The following SORCS1 variants were observed in gnomAD, a reference collection of about 807,000 sequenced individuals.
SORCS1 encodes sortilin related VPS10 domain containing receptor 1.
SORCS1 carries 60 observed loss-of-function variants against 146.1 expected under a neutral mutation model. The observed-to-expected ratio is 0.41, with a 90% CI of 0.33 to 0.51. The LOEUF is 0.51. Ranked by LOEUF, SORCS1 falls within the 20% of genes least tolerant of loss-of-function variation. The pLI, the probability that SORCS1 is intolerant of heterozygous loss-of-function variation, is 0.21. For synonymous variants in SORCS1, 637 were observed against 584.0 expected (o/e 1.09, Z -1.31); for missense variants, 1,352 against 1,487.6 (o/e 0.91, Z 1.50).
rs1236409104 is a variant in SORCS1 at position 106,576,150 on chromosome 10, C to T, written c.*1270G>A. On this transcript the variant is annotated 3_prime_UTR_variant, in exon 26 of 26. Coordinates refer to ENST00000263054, the MANE Select transcript of SORCS1 (RefSeq NM_052918.5). ...CAGGGATATTTGAAAAAGGCAGGTT[C>T]TAGAGGAAAAGACAAAGATACATGA... 1 of 152,254 alleles carries T rather than the reference C, an allele frequency of 6.6e-6. No homozygotes were observed. Among genetic ancestry groups the T allele is most frequent in the Non-Finnish European group, 1.5e-5 (1 of 68,094 alleles). 9.4% of individuals were successfully genotyped at this position (152,254 alleles called of 1,614,324 possible).
chr10:106,926,082 C>A (rs1952999422), intron 2 of SORCS1, among the ~76,000 whole-genome samples: 1 of 152,144 alleles, frequency 6.6e-6, no homozygotes, highest in Non-Finnish European at 1.5e-5. Flanking sequence ...TCCATCAATG[C>A]ACAACACAGG....
chr10:106,955,279 C>T (rs549409873), intron 2 of SORCS1, among the ~76,000 whole-genome samples: 2 of 152,386 alleles, frequency 1.3e-5, no homozygotes, highest in African/African-American at 4.8e-5. Flanking sequence ...GCATTCCCCT[C>T]GTCCAGACAC....
chr10:106,617,202 G>T (rs12761548), intron 21 of SORCS1, among the ~76,000 whole-genome samples: 12,468 of 151,892 alleles, frequency 0.082, 674 homozygotes, highest in Middle Eastern at 0.12. Flanking sequence ...TGACCCACCC[G>T]CCTCGGCCTC....
At chr10:106,625,499 T>C (rs1848049654) in intron 19 of SORCS1, among the ~76,000 whole-genome samples, 3 of 152,138 alleles carry the variant, frequency 2.0e-5, no homozygotes, top group Admixed American at 2.0e-4. Context: ...ATTCAGTGGG[T>C]CTGGGATAAG....
intron 5 of SORCS1, among the ~76,000 whole-genome samples, chr10:106,734,760 C>A (rs886894985): frequency 6.6e-6 from 1 of 152,186 alleles, no homozygotes; most frequent in African/African-American, 2.4e-5. Context: ...ACTCCTGGCA[C>A]AGAGCTAGGG....
intron 5 of SORCS1, among the ~76,000 whole-genome samples, chr10:106,757,317 A>G (rs1004452125): frequency 1.3e-5 from 2 of 152,114 alleles, no homozygotes; most frequent in African/African-American, 4.8e-5. Flanking sequence ...AATTTGATTT[A>G]ACACTAGAGA....
At chr10:106,926,617 T>C (rs1448379809) in intron 2 of SORCS1, among the ~76,000 whole-genome samples, 2 of 152,146 alleles carry the variant, frequency 1.3e-5, no homozygotes, top group African/African-American at 4.8e-5. Context: ...GAAAATCTCA[T>C]ATCGTTAAAA....
At chr10:107,158,682 T>C (rs1361509480) in intron 1 of SORCS1, among the ~76,000 whole-genome samples, 1 of 152,218 alleles carries the variant, frequency 6.6e-6, no homozygotes, top group Non-Finnish European at 1.5e-5. Flanking sequence ...TGTGTAGCAC[T>C]TCACAAATAT....
chr10:107,119,318 T>C (rs1277981983), intron 1 of SORCS1, among the ~76,000 whole-genome samples: 1 of 152,204 alleles, frequency 6.6e-6, no homozygotes, highest in Non-Finnish European at 1.5e-5. Flanking sequence ...TACAGAATGG[T>C]GGCCCTTTGT....
rs1437903630 is a variant in SORCS1, at chr10:106,961,893, GC to G, written c.559-5314del. On this transcript the variant is annotated intron_variant, in intron 1 of 25. Transcript: ENST00000263054. ...GGTTAGCCCTGCTCTGGAAGGAGTT[GC>G]CACTCTGCTATACATTGCCACTTAA... is the stretch of plus-strand genomic sequence containing the variant. Among the ~76,000 whole-genome samples the G allele has an allele frequency of 3.9e-5, 6 of 152,202 alleles. No homozygotes were observed. In the South Asian group the frequency reaches 1.2e-3, roughly 31 times the overall value.
chr10:106,923,448 T>C (rs1388921929), intron 2 of SORCS1, among the ~76,000 whole-genome samples: 2 of 152,240 alleles, frequency 1.3e-5, no homozygotes, highest in Non-Finnish European at 2.9e-5. Flanking sequence ...TTTGTGTGAA[T>C]ATATAAGTTT....
At chr10:106,978,586 TCAGGAGTTTGAGAC>T (rs1266267151) in intron 1 of SORCS1, among the ~76,000 whole-genome samples, 1 of 151,856 alleles carries the variant, frequency 6.6e-6, no homozygotes, top group African/African-American at 2.4e-5. Context: ...GATCATGAGG[TCAGGAGTTTGAGAC>T]CAGCCTGACC....
intron 3 of SORCS1, among the ~76,000 whole-genome samples, chr10:106,781,299 T>G (rs1860878107): frequency 6.6e-6 from 1 of 152,232 alleles, no homozygotes; most frequent in South Asian, 2.1e-4. Context: ...TTCGTACCAT[T>G]TCTTTGGTCC....
At chr10:106,605,123 C>T (rs989143688) in intron 23 of SORCS1, among the ~76,000 whole-genome samples, 2 of 152,234 alleles carry the variant, frequency 1.3e-5, no homozygotes, top group Non-Finnish European at 2.9e-5. Context: ...TAGTTAGTTT[C>T]AGATCTCTGA....
intron 1 of SORCS1, among the ~76,000 whole-genome samples, chr10:107,038,699 G>GGT (rs1189317122): frequency 1.6e-4 from 3 of 18,968 alleles, no homozygotes; most frequent in Admixed American, 8.6e-4. Flanking sequence ...CAGGGGGCGG[G>GGT]GGGGGAGGTG....
Position 106,705,100 on chromosome 10 carries a change from GA to G in SORCS1, c.1233+1444del, listed in dbSNP as rs879406318. On this transcript the variant is annotated intron_variant, in intron 8 of 25. Transcript: ENST00000263054. ...TGTTGTAAATTCTTGTCTTACTGGA[GA>G]AAAAAAAAACAAACACTTAAGCCAA... Among the ~76,000 whole-genome samples the G allele has an allele frequency of 2.2e-3, 315 of 143,240 alleles. 1 individual carries two copies. The highest frequency in any genetic ancestry group is 7.6e-3 in the African/African-American group (299 of 39,164). 94.0% of individuals were successfully genotyped at this position (143,240 alleles called of 152,430 possible). A position where few individuals can be genotyped will look rare whatever the true frequency, so the allele number is the denominator to read the frequency against.
At chr10:106,622,039 C>G (rs1847778655) in intron 19 of SORCS1, among the ~76,000 whole-genome samples, 1 of 152,026 alleles carries the variant, frequency 6.6e-6, no homozygotes, top group South Asian at 2.1e-4. Context: ...TGCCTGTAAT[C>G]CCGACACTTT....
intron 9 of SORCS1, among the ~76,000 whole-genome samples, chr10:106,692,036 C>A (rs1350746864): frequency 6.6e-6 from 1 of 152,056 alleles, no homozygotes; most frequent in Non-Finnish European, 1.5e-5. Context: ...ATACAAAGAA[C>A]CCTGTTTGTT....
intron 2 of SORCS1, among the ~76,000 whole-genome samples, chr10:106,836,348 C>G (rs974828345): frequency 6.6e-6 from 1 of 151,930 alleles, no homozygotes; most frequent in Non-Finnish European, 1.5e-5. Flanking sequence ...GTGGTGGGCG[C>G]CTGTAGTCCC....
Sources: allele counts gnomAD v4.1 joint callset (sites outside exome capture counted in the v4.1 genomes callset), GRCh38; gene constraint gnomAD v4.1.1; transcripts MANE v1.5; gene names NCBI Gene and HGNC (gene_info 2026-07-23, HGNC 2026-07-21).